The following SYNJ1 variants were observed in gnomAD, a reference collection of about 807,000 sequenced individuals.
SYNJ1 encodes synaptojanin 1.
A neutral mutation model predicts 168.2 loss-of-function variants in SYNJ1; 78 were observed. That is an observed-to-expected ratio of 0.46 (90% CI 0.39 to 0.56). The LOEUF is 0.56. Ranked by LOEUF, SYNJ1 falls within the 20% of genes least tolerant of loss-of-function variation. The probability of loss-of-function intolerance (pLI) is 0.00; values close to 1 mark genes in which losing one functional copy is unlikely to be tolerated. For missense variants in SYNJ1, 1,303 were observed against 1,597.6 expected (o/e 0.82, Z 3.14); for synonymous variants, 539 against 548.6 (o/e 0.98, Z 0.24).
At chr21:32,648,941 C>T (rs2040172533) in intron 23 of SYNJ1, among the ~76,000 whole-genome samples, 1 of 152,180 alleles carries the variant, frequency 6.6e-6, no homozygotes, top group African/African-American at 2.4e-5. Context: ...CATTTGGATC[C>T]TCTTTATCCC....
intron 18 of SYNJ1, among the ~76,000 whole-genome samples, chr21:32,664,269 A>G (rs778432221): frequency 6.6e-6 from 1 of 152,156 alleles, no homozygotes; most frequent in Non-Finnish European, 1.5e-5. Context: ...GAAAGTGAGA[A>G]CTCCCATTAA....
chr21:32,701,570 A>T (rs889422011), intron 3 of SYNJ1, among the ~76,000 whole-genome samples: 6 of 151,600 alleles, frequency 4.0e-5, no homozygotes, highest in Non-Finnish European at 8.8e-5. Context: ...GCTCAAGCAG[A>T]CACTTTCTGA....
chr21:32,679,567 C>T (rs138843532), intron 11 of SYNJ1, among the ~76,000 whole-genome samples: 191 of 152,112 alleles, frequency 1.3e-3, no homozygotes, highest in African/African-American at 4.4e-3. Flanking sequence ...AAAAAACTTG[C>T]GTCTTTTAGG....
chr21:32,650,533 T>C (rs1601284457), intron 22 of SYNJ1, among the ~76,000 whole-genome samples, 187 bp from the exon 23 acceptor site: 2 of 152,244 alleles, frequency 1.3e-5, no homozygotes, highest in South Asian at 4.1e-4. Context: ...TTGTTCCCAG[T>C]TCTCCCTTTA....
chr21:32,710,617 TG>T (rs900764002), intron 2 of SYNJ1, among the ~76,000 whole-genome samples: 1 of 152,000 alleles, frequency 6.6e-6, no homozygotes, highest in African/African-American at 2.4e-5. Flanking sequence ...CTGAAACCCC[TG>T]GGCTCAAGCG....
In SYNJ1 at chr21:32,629,440, G is replaced by A. The variant is rs868710152; in HGVS notation, c.*2365C>T. ...AGAGAAGATTACTTCTATAAATATA[G>A]TATTTTGATAACATTTGAGCATTTA... On this transcript the variant is annotated 3_prime_UTR_variant, in exon 33 of 33. Transcript: ENST00000674351. 2.0e-5 allele frequency: 3 copies of A among 152,694 alleles called. 1 individual carries two copies. Among genetic ancestry groups the A allele is most frequent in the Middle Eastern group, 6.8e-3 (2 of 294 alleles). The allele number at this position is 152,694 out of a possible 1,614,324, so 9.5% of individuals were successfully genotyped here.
chr21:32,721,723 T>C (rs922581430), intron 2 of SYNJ1, among the ~76,000 whole-genome samples: 2 of 152,136 alleles, frequency 1.3e-5, no homozygotes, highest in Admixed American at 6.5e-5. Flanking sequence ...ATAGTACTTA[T>C]AGAAATAATA....
At position 32,645,801 on chromosome 21, in the gene SYNJ1, A is replaced by C. The variant is rs1301952626; in HGVS notation, c.3248-12T>G. On this transcript the variant is annotated splice_polypyrimidine_tract_variant and intron_variant, in intron 24 of 32. Transcript: ENST00000674351. ...GTCAATAGGAGAACCTAAAAAGCGC[A>C]CAGGAGGTAAGAAGATCAGCTTCTA... The C allele has an allele frequency of 4.7e-6, 7 of 1,492,468 alleles. No individual in the cohort carries two copies. The highest frequency in any genetic ancestry group is 6.3e-6 in the Non-Finnish European group (7 of 1,118,178). 92.5% of individuals were successfully genotyped at this position (1,492,468 alleles called of 1,614,324 possible).
chr21:32,703,546 G>A (rs2042488423), intron 2 of SYNJ1, among the ~76,000 whole-genome samples: 1 of 151,994 alleles, frequency 6.6e-6, no homozygotes, highest in South Asian at 2.1e-4. Context: ...CAGGACAGAA[G>A]GCATGACTTC....
intron 8 of SYNJ1, 94 bp downstream of exon 8, chr21:32,686,884 T>C: frequency 1.1e-6 from 1 of 871,310 alleles, no homozygotes; most frequent in Non-Finnish European, 1.7e-6. Context: ...AGTAATTTAC[T>C]TCCTGGAAGA....
chr21:32,643,456 A>G lies in SYNJ1; in HGVS notation c.3432T>C (p.Gly1144=). ...SPAPTRKEFG[G]IGAPPSPGVA... Reference sequence around the variant, plus strand: ...CCCCAGGACTGGGAGGGGCTCCAATACCTTTTTAGAGAAAGAACAGAAACT... The same window carrying G: ...CCCCAGGACTGGGAGGGGCTCCAATGCCTTTTTAGAGAAAGAACAGAAACT... The change falls in exon 27 of 33, where the codon GGT becomes GGC. Residue 1144 remains glycine (G), a splice_region_variant and synonymous_variant. Transcript: ENST00000674351. The G allele has an allele frequency of 1.2e-6, 2 of 1,613,552 alleles. No individual in the cohort carries two copies. The highest frequency in any genetic ancestry group is 8.5e-7 in the Non-Finnish European group (1 of 1,179,676).
At chr21:32,640,274 G>GA (rs761269283) in intron 29 of SYNJ1, among the ~76,000 whole-genome samples, 3 of 151,128 alleles carry the variant, frequency 2.0e-5, no homozygotes, top group Non-Finnish European at 4.4e-5. Context: ...AGACTTTGGG[G>GA]AAAAAACACC....
intron 9 of SYNJ1, among the ~76,000 whole-genome samples, chr21:32,685,059 G>A (rs2041775044): frequency 6.6e-6 from 1 of 151,462 alleles, no homozygotes; most frequent in African/African-American, 2.4e-5. Context: ...GCGGGCGCTT[G>A]TAGTCCCAGC....
chr21:32,634,745 T>A, intron 32 of SYNJ1, 116 bp downstream of exon 32: 1 of 1,040,284 alleles, frequency 9.6e-7, no homozygotes, highest in Non-Finnish European at 1.4e-6. Context: ...AATTTATTAA[T>A]GGAGACAGGT....
chr21:32,666,208 T>C, intron 16 of SYNJ1, 73 bp from the exon 17 acceptor site: 7 of 1,501,348 alleles, frequency 4.7e-6, no homozygotes, highest in Non-Finnish European at 5.4e-6. Context: ...ATGAGGAATA[T>C]ACATAATCAT....
At chr21:32,634,216 G>T (rs994460275) in intron 32 of SYNJ1, among the ~76,000 whole-genome samples, 1 of 152,106 alleles carries the variant, frequency 6.6e-6, no homozygotes, top group Non-Finnish European at 1.5e-5. Context: ...TAATTTGATA[G>T]AATCAGGATC....
intron 23 of SYNJ1, among the ~76,000 whole-genome samples, chr21:32,649,738 T>C (rs888102514): frequency 6.6e-6 from 1 of 152,162 alleles, no homozygotes; most frequent in African/African-American, 2.4e-5. Flanking sequence ...CAATATGATG[T>C]GAAATAAATT....
At chr21:32,645,948 T>A in intron 24 of SYNJ1, 159 bp from the exon 25 acceptor site, 1 of 1,101,092 alleles carries the variant, frequency 9.1e-7, no homozygotes, top group Non-Finnish European at 1.4e-6. Context: ...AGTCTACTAT[T>A]AAACTGCCCT....
rs1245680883 is a variant in SYNJ1, at chr21:32,678,870, T to TGAAATTTTAAACCA, written c.1354-70_1354-69insTGGTTTAAAATTTC. 5.8e-6 allele frequency: 9 copies of TGAAATTTTAAACCA among 1,558,676 alleles called. No individual in the cohort carries two copies. The African/African-American group carries it at 1.1e-4, about 19-fold the overall frequency. Reference sequence around the variant, plus strand: ...TATTACTGATTTTACTCATTAGGTTTTTTGAAATTTTAAATCAGTTTTATA... The same window carrying TGAAATTTTAAACCA: ...TATTACTGATTTTACTCATTAGGTTTGAAATTTTAAACCATTTGAAATTTTAAATCAGTTTTATA... On this transcript the variant is annotated intron_variant, in intron 11 of 32. Transcript: ENST00000674351.
Sources: gnomAD v4.1 joint callset for allele counts (sites outside exome capture counted in the v4.1 genomes callset) on GRCh38, gnomAD v4.1.1 for gene constraint, MANE v1.5 for transcripts, NCBI Gene and HGNC (gene_info 2026-07-23, HGNC 2026-07-21) for gene names.